The following SERPINB6 variants were observed in gnomAD, a reference collection of about 807,000 sequenced individuals.
SERPINB6 encodes the protein serpin B6.
In SERPINB6, 16 loss-of-function variants were observed where a neutral mutation model predicts 26.1. That is an observed-to-expected ratio of 0.61 (90% CI 0.42 to 0.93). The LOEUF is 0.93. SERPINB6 is among the 40% of genes least tolerant of loss of function. The probability of loss-of-function intolerance (pLI) is 0.00; values close to 1 mark genes in which losing one functional copy is unlikely to be tolerated. For missense variants in SERPINB6, 420 were observed against 478.0 expected, an observed-to-expected ratio of 0.88 and a Z score of 1.13; for synonymous variants, 174 against 176.6, an observed-to-expected ratio of 0.99 and a Z score of 0.11.
intron 1 of SERPINB6, chr6:2,971,234 C>G (rs1463435844): frequency 2.1e-6 from 2 of 947,336 alleles, no homozygotes; most frequent in Non-Finnish European, 2.5e-6. Context: ...GGCTCGCGGC[C>G]ACGCACGACT....
At chr6:2,969,191 T>G in intron 1 of SERPINB6, 3 of 987,922 alleles carry the variant, frequency 3.0e-6, no homozygotes, top group Non-Finnish European at 3.6e-6. Flanking sequence ...TCTAGTGAGA[T>G]TTTTCTATCG....
At chr6:2,955,393 A>C in intron 3 of SERPINB6, 131 bp downstream of exon 3, 1 of 1,006,274 alleles carries the variant, frequency 9.9e-7, no homozygotes, top group South Asian at 1.3e-5. Flanking sequence ...ACATATTGGC[A>C]GGTGAAAAGA....
rs574905944 is a variant in SERPINB6 at position 2,950,867 on chromosome 6, C to T, written c.574-1798G>A. 7.9e-5 allele frequency among the ~76,000 whole-genome samples: 12 copies of T among 152,346 alleles called. No individual in the cohort carries two copies. The South Asian group carries it at 1.7e-3, about 21-fold the overall frequency. On this transcript the variant is annotated intron_variant, in intron 5 of 6. Transcript: ENST00000380539. Reference sequence around the variant, plus strand: ...TAAATGGAATAAATAAAATACACTGCGGCGGCAGCTTTCTGCTTTCACGTG... The same window carrying T: ...TAAATGGAATAAATAAAATACACTGTGGCGGCAGCTTTCTGCTTTCACGTG...
Position 2,949,009 on chromosome 6 carries a change from C to G in SERPINB6, c.634G>C (p.Gly212Arg), listed in dbSNP as rs886134571. ...ACCAAGATTTGGGTAAATATTTCTC[C>G]TATATAGGTCTTCTTAAAAGTAGAT... ...KQSTFKKTYI[G>R]EIFTQILVLP... Residue 212 changes from glycine (G) to arginine (R), a missense_variant, in exon 6 of 7, where the codon GGA becomes CGA. Gly to Arg is a moderately radical substitution (Grantham distance 125, BLOSUM62 -2). Coordinates refer to ENST00000380539, the MANE Select transcript of SERPINB6 (RefSeq NM_004568.6). The G allele has an allele frequency of 1.2e-5, 19 of 1,614,078 alleles. No individual in the cohort carries two copies. Among genetic ancestry groups the G allele is most frequent in the Non-Finnish European group, 2.5e-6 (3 of 1,180,032 alleles).
At chr6:2,968,934 A>G in intron 1 of SERPINB6, 1 of 1,224,342 alleles carries the variant, frequency 8.2e-7, no homozygotes, top group Non-Finnish European at 1.0e-6. Context: ...ATGGGGTGGA[A>G]GCAGATGGGG....
At chr6:2,969,699 C>T in intron 1 of SERPINB6, 5 of 985,098 alleles carry the variant, frequency 5.1e-6, no homozygotes, top group Non-Finnish European at 6.0e-6. Context: ...TAAATTTAAC[C>T]ATTTAAAGAC....
intron 1 of SERPINB6, among the ~76,000 whole-genome samples, chr6:2,964,720 C>T (rs115708850): frequency 0.012 from 1,770 of 152,326 alleles, 16 homozygotes; most frequent in Middle Eastern, 0.017. Flanking sequence ...CCCAACTCCC[C>T]AGAAGCAATC....
chr6:2,966,164 C>T (rs565062474), intron 1 of SERPINB6, among the ~76,000 whole-genome samples: 228 of 147,414 alleles, frequency 1.5e-3, no homozygotes, highest in Non-Finnish European at 2.8e-3. Context: ...TTTGTTAGCC[C>T]AGGAAGCTAT....
At position 2,967,299 on chromosome 6, in the gene SERPINB6, G is replaced by A. The variant is rs1000545422; in HGVS notation, c.-11+4234C>T. ...CATGTACAAAAATCAACTCAAGATGGATTAAAGGCTTAGATGTAAAAGCCA... is the reference window on the plus strand; with the variant it reads ...CATGTACAAAAATCAACTCAAGATGAATTAAAGGCTTAGATGTAAAAGCCA... On this transcript the variant is annotated intron_variant, in intron 1 of 6. Transcript: ENST00000380539. This position sits in a 1 kb window ranked among gnomAD's most constrained non-coding sequence, Gnocchi z 4.3. 5 of 878,408 alleles carry A rather than the reference G, an allele frequency of 5.7e-6. No homozygotes were observed. In the African/African-American group the frequency reaches 9.1e-5, roughly 16 times the overall value. 54.4% of individuals were successfully genotyped at this position (878,408 alleles called of 1,614,324 possible). A position where few individuals can be genotyped will look rare whatever the true frequency, so the allele number is the denominator to read the frequency against.
At position 2,948,261 on chromosome 6, in the gene SERPINB6, G is replaced by C; in HGVS notation, c.*37C>G. On this transcript the variant is annotated 3_prime_UTR_variant, in exon 7 of 7. Transcript: ENST00000380539. This position sits in a 1 kb window ranked among gnomAD's most constrained non-coding sequence, Gnocchi z 5.0. ...GCACACTGTGGAGTGTCAGGGGACA[G>C]AGAGGAGAGGGGCTGCACACCAAGA... 2 of 1,611,798 alleles carry C rather than the reference G, an allele frequency of 1.2e-6. No homozygotes were observed. The highest frequency in any genetic ancestry group is 1.7e-6 in the Non-Finnish European group (2 of 1,179,416).
intron 1 of SERPINB6, chr6:2,969,170 A>G (rs1328072662): frequency 4.0e-6 from 4 of 992,310 alleles, no homozygotes; most frequent in East Asian, 2.2e-4. Flanking sequence ...ATATCAACAA[A>G]TTATAAACAA....
rs1319002873 is a variant in SERPINB6 at position 2,955,701 on chromosome 6, A to G, written c.166-31T>C. On this transcript the variant is annotated intron_variant, in intron 2 of 6. Coordinates refer to ENST00000380539, the MANE Select transcript of SERPINB6 (RefSeq NM_004568.6). ...ATCAAAAACAGAATGAAAACAAATCATTCCTGTATGCTCTGACTTCAGGAA... is the reference window on the plus strand; with the variant it reads ...ATCAAAAACAGAATGAAAACAAATCGTTCCTGTATGCTCTGACTTCAGGAA... 3.1e-6 allele frequency: 5 copies of G among 1,613,154 alleles called. No individual in the cohort carries two copies. The Admixed American group carries it at 8.3e-5, about 27-fold the overall frequency.
At chr6:2,965,283 G>A (rs951196992) in intron 1 of SERPINB6, among the ~76,000 whole-genome samples, 97 of 152,138 alleles carry the variant, frequency 6.4e-4, no homozygotes, top group African/African-American at 2.3e-3. Context: ...TAATCTACCA[G>A]CTGCATTTTC....
intron 5 of SERPINB6, among the ~76,000 whole-genome samples, chr6:2,949,979 T>C (rs1769594096): frequency 6.6e-6 from 1 of 152,142 alleles, no homozygotes; most frequent in African/African-American, 2.4e-5. Context: ...CTCTTTACGG[T>C]CTTTGTTCAA....
intron 1 of SERPINB6, chr6:2,971,014 C>T: frequency 8.2e-7 from 1 of 1,217,886 alleles, no homozygotes; most frequent in Non-Finnish European, 1.0e-6. Context: ...CTCTCCGCCT[C>T]CCGCCCGGCT....
Position 2,959,237 on chromosome 6 carries a change from C to T in SERPINB6, c.96G>A (p.Met32Ile), listed in dbSNP as rs1451752856. The T allele has an allele frequency of 1.2e-6, 2 of 1,614,192 alleles. No individual in the cohort carries two copies. The highest frequency in any genetic ancestry group is 8.5e-7 in the Non-Finnish European group (1 of 1,180,044). ...CCATGGCCAGGGCACAGGACATGCT[C>T]ATGGGTGAGAAAAACACATTCTTCG... is the stretch of plus-strand genomic sequence containing the variant. The part of the protein sequence containing the change: ...DNSKNVFFSP[M>I]SMSCALAMVY... Residue 32 changes from methionine to isoleucine, a missense_variant, in exon 2 of 7, where the codon ATG (methionine) becomes ATA (isoleucine). By Grantham distance (10) the Met-to-Ile change is conservative. Transcript: ENST00000380539.
chr6:2,955,201 A>C (rs868702887), intron 3 of SERPINB6: 4 of 269,716 alleles, frequency 1.5e-5, no homozygotes, highest in Non-Finnish European at 2.8e-5. Context: ...AAAAAAAAAA[A>C]ACAAAAAAAA....
chr6:2,951,628 T>C (rs1238173492), intron 5 of SERPINB6, among the ~76,000 whole-genome samples: 1 of 152,148 alleles, frequency 6.6e-6, no homozygotes, highest in Non-Finnish European at 1.5e-5. Flanking sequence ...CCAGTTTATA[T>C]AGAAGGTAAT....
chr6:2,954,441 G>A, intron 4 of SERPINB6, 151 bp downstream of exon 4: 1 of 694,026 alleles, frequency 1.4e-6, no homozygotes, highest in Non-Finnish European at 2.6e-6. Flanking sequence ...GTCAAATAAT[G>A]GCAACTGATT....
Sources: allele counts gnomAD v4.1 joint callset (sites outside exome capture counted in the v4.1 genomes callset), GRCh38; gene constraint gnomAD v4.1.1; non-coding constraint Gnocchi (gnomAD v3.1); transcripts MANE v1.5; gene names NCBI Gene and HGNC (gene_info 2026-07-23, HGNC 2026-07-21).